ANKRD46: variants seen among roughly 807,000 people sequenced by gnomAD.
The protein encoded by ANKRD46 is ankyrin repeat domain 46.
Under a neutral mutation model 19.8 loss-of-function variants are expected in ANKRD46, and 13 were observed. The observed-to-expected ratio is 0.66, with a 90% confidence interval of 0.43 to 1.04. The LOEUF is 1.04. Among genes scored for constraint, ANKRD46 ranks in the 50% least tolerant of loss-of-function variants. ANKRD46 has a pLI of 0.00. For synonymous variants in ANKRD46, 91 were observed against 106.9 expected, an observed-to-expected ratio of 0.85 and a Z score of 0.92; for missense variants, 185 against 274.8, an observed-to-expected ratio of 0.67 and a Z score of 2.31.
chr8:100,536,282 G>A lies in ANKRD46; in HGVS notation c.-130-2971C>T, dbSNP rs753830142. Among the ~76,000 whole-genome samples, 1 of 152,120 alleles carries A rather than the reference G, an allele frequency of 6.6e-6. No homozygotes were observed. The highest frequency in any genetic ancestry group is 2.4e-5 in the African/African-American group (1 of 41,418). The stretch of plus-strand genomic sequence containing the variant: ...CCTGCTTGGAGAGGTGGGAAAAGTA[G>A]CGGGGAGAGATATGTGATAGTCTGA... On this transcript the variant is annotated intron_variant, in intron 1 of 4. Coordinates refer to ENST00000335659, the MANE Select transcript of ANKRD46 (RefSeq NM_001270377.2). The surrounding 1 kb of genome is among the most constrained non-coding windows in gnomAD (Gnocchi z 4.9).
chr8:100,510,671 A>T lies in ANKRD46; in HGVS notation c.637-32T>A. ...ATGTGGGGAAGACAGATTAAAAAAAAAAAAAAATCCCAGTTCTGTTAAGCT... is the reference window on the plus strand; with the variant it reads ...ATGTGGGGAAGACAGATTAAAAAAATAAAAAAATCCCAGTTCTGTTAAGCT... On this transcript the variant is annotated intron_variant, in intron 5 of 5. Coordinates refer to the ANKRD46 transcript ENST00000520552. The surrounding 1 kb of genome is among the most constrained non-coding windows in gnomAD (Gnocchi z 4.9). The T allele has an allele frequency of 6.6e-7, 1 of 1,517,798 alleles. No homozygotes were observed. Among genetic ancestry groups the T allele is most frequent in the South Asian group, 1.2e-5 (1 of 82,548 alleles). 94.0% of individuals were successfully genotyped at this position (1,517,798 alleles called of 1,614,324 possible).
chr8:100,552,344 T>C (rs896862305), intron 1 of ANKRD46, among the ~76,000 whole-genome samples: 2 of 151,918 alleles, frequency 1.3e-5, no homozygotes, highest in Middle Eastern at 3.4e-3. Context: ...TCTATAGAGA[T>C]GGTTATCCTA....
chr8:100,515,282 T>G (rs1811611642), intron 5 of ANKRD46, among the ~76,000 whole-genome samples: 1 of 152,184 alleles, frequency 6.6e-6, no homozygotes, highest in Non-Finnish European at 1.5e-5. Context: ...CAAAATGTGG[T>G]AACATCATGC....
In ANKRD46 at chr8:100,520,817, G is replaced by A. The variant is rs974310295; in HGVS notation, c.*1738C>T. The stretch of plus-strand genomic sequence containing the variant: ...TTTATTGGTGGTATTCCTGAATGAT[G>A]AATGCAGAGAACAGAATACAAAGAA... On this transcript the variant is annotated 3_prime_UTR_variant, in exon 5 of 5. Coordinates refer to ENST00000335659, the MANE Select transcript of ANKRD46 (RefSeq NM_001270377.2). 33 of 981,180 alleles carry A rather than the reference G, an allele frequency of 3.4e-5. No individual in the cohort carries two copies. The highest frequency in any genetic ancestry group is 3.9e-5 in the Non-Finnish European group (32 of 828,230). The allele number at this position is 981,180 out of a possible 1,614,324, so 60.8% of individuals were successfully genotyped here.
chr8:100,550,136 T>G lies in ANKRD46; in HGVS notation c.-131+9575A>C, dbSNP rs895561527. Reference sequence around the variant, plus strand: ...AATAAGGCTGACATGAACACCCACATGCAGGTTTTTGTGTGGACAGTTTTT... The same window carrying G: ...AATAAGGCTGACATGAACACCCACAGGCAGGTTTTTGTGTGGACAGTTTTT... On this transcript the variant is annotated intron_variant, in intron 1 of 4. Transcript: ENST00000335659. The surrounding 1 kb of genome is among the most constrained non-coding windows in gnomAD (Gnocchi z 4.4). Among the ~76,000 whole-genome samples, 13 of 152,252 alleles carry G rather than the reference T, an allele frequency of 8.5e-5. No homozygotes were observed. Among genetic ancestry groups the G allele is most frequent in the African/African-American group, 3.1e-4 (13 of 41,460 alleles).
chr8:100,513,351 A>G (rs1007313467), intron 5 of ANKRD46, among the ~76,000 whole-genome samples: 4 of 152,210 alleles, frequency 2.6e-5, no homozygotes, highest in Non-Finnish European at 4.4e-5. Flanking sequence ...CTTAAGCCTC[A>G]CTTTCTTTAT....
rs1440127383 is a variant in ANKRD46 at position 100,521,912 on chromosome 8, C to A, written c.*643G>T. On this transcript the variant is annotated 3_prime_UTR_variant, in exon 5 of 5. Transcript: ENST00000335659. ...CAAGCAAAGCAGTTTACAAAAAGAT[C>A]AAAAATTATCCTAAAAACAAATAAA... 16 of 983,518 alleles carry A rather than the reference C, an allele frequency of 1.6e-5. No homozygotes were observed. Among genetic ancestry groups the A allele is most frequent in the Middle Eastern group, 5.2e-4 (1 of 1,914 alleles). The allele number at this position is 983,518 out of a possible 1,614,324, so 60.9% of individuals were successfully genotyped here.
rs1204788693 is a variant in ANKRD46, at chr8:100,536,851, C to G, written c.-130-3540G>C. On this transcript the variant is annotated intron_variant, in intron 1 of 4. Transcript: ENST00000335659. This position sits in a 1 kb window ranked among gnomAD's most constrained non-coding sequence, Gnocchi z 4.9. ...ACTTTGGGGGTCAGGTTTTTGAGGG[C>G]TGGTGTAGCCTGACACTTAAAACTC... Among the ~76,000 whole-genome samples, 1 of 152,162 alleles carries G rather than the reference C, an allele frequency of 6.6e-6. No individual in the cohort carries two copies. The highest frequency in any genetic ancestry group is 1.9e-4 in the East Asian group (1 of 5,192).
intron 1 of ANKRD46, among the ~76,000 whole-genome samples, chr8:100,548,056 C>T (rs1812308947): frequency 6.6e-6 from 1 of 152,048 alleles, no homozygotes; most frequent in Admixed American, 6.6e-5. Flanking sequence ...TGGCCTTCTA[C>T]CTTAGCTAAT....
At chr8:100,523,126 G>A (rs1366230038) in intron 4 of ANKRD46, among the ~76,000 whole-genome samples, 5 of 150,882 alleles carry the variant, frequency 3.3e-5, no homozygotes, top group Admixed American at 6.6e-5. Flanking sequence ...CCAGGAGTTC[G>A]GGACCAGCCT....
chr8:100,513,289 T>C (rs956057494), intron 5 of ANKRD46, among the ~76,000 whole-genome samples: 14 of 152,114 alleles, frequency 9.2e-5, no homozygotes, highest in Non-Finnish European at 2.1e-4. Flanking sequence ...TTAGGCAGAA[T>C]CTGGTTTCAA....
chr8:100,539,158 T>A (rs1812124402), intron 1 of ANKRD46, among the ~76,000 whole-genome samples: 1 of 152,222 alleles, frequency 6.6e-6, no homozygotes, highest in African/African-American at 2.4e-5. Context: ...TTATGGTTCA[T>A]CCTAAACTAG....
chr8:100,517,680 C>A (rs2130632611), downstream of ANKRD46, among the ~76,000 whole-genome samples: 1 of 152,304 alleles, frequency 6.6e-6, no homozygotes, highest in East Asian at 1.9e-4. Context: ...CAAGATCCCC[C>A]CTTAGAAAAT....
chr8:100,542,389 T>C (rs1812191111), intron 1 of ANKRD46, among the ~76,000 whole-genome samples: 1 of 152,174 alleles, frequency 6.6e-6, no homozygotes, highest in South Asian at 2.1e-4. Context: ...TAAAATGGCA[T>C]GTTTGTAGAA....
At position 100,557,505 on chromosome 8, in the gene ANKRD46, C is replaced by A. The variant is rs1812525515; in HGVS notation, c.-131+2206G>T. ...TCCATCCTTGCCCTTACAGTCAACACTGAACACAGCAGCCAGAGTGATCCT... is the reference window on the plus strand; with the variant it reads ...TCCATCCTTGCCCTTACAGTCAACAATGAACACAGCAGCCAGAGTGATCCT... On this transcript the variant is annotated intron_variant, in intron 1 of 4. Coordinates refer to ENST00000335659, the MANE Select transcript of ANKRD46 (RefSeq NM_001270377.2). This position sits in a 1 kb window ranked among gnomAD's most constrained non-coding sequence, Gnocchi z 5.9. Among the ~76,000 whole-genome samples the A allele has an allele frequency of 2.2e-5, 3 of 137,600 alleles. No individual in the cohort carries two copies. Among genetic ancestry groups the A allele is most frequent in the Middle Eastern group, 3.4e-3 (1 of 290 alleles). The allele number at this position is 137,600 out of a possible 152,430, so 90.3% of individuals were successfully genotyped here. A position where few individuals can be genotyped will look rare whatever the true frequency, so the allele number is the denominator to read the frequency against.
In ANKRD46 at chr8:100,546,498, C is replaced by T. The variant is rs1812275284; in HGVS notation, c.-130-13187G>A. The stretch of plus-strand genomic sequence containing the variant: ...AAGACAGGAGTTGAGCTTTGGGAAC[C>T]TCTGCCTAGATTTCAAAGGACATAT... On this transcript the variant is annotated intron_variant, in intron 1 of 4. Transcript: ENST00000335659. This position sits in a 1 kb window ranked among gnomAD's most constrained non-coding sequence, Gnocchi z 4.0. Among the ~76,000 whole-genome samples, 1 of 152,260 alleles carries T rather than the reference C, an allele frequency of 6.6e-6. No homozygotes were observed. The highest frequency in any genetic ancestry group is 6.5e-5 in the Admixed American group (1 of 15,290).
rs1812083029 is a variant in ANKRD46, at chr8:100,537,257, T to C, written c.-130-3946A>G. ...ATGGATTTTTCATTTTGAAAGGCCATTTGGAAAGGGAAGACTAAGTACCAC... is the reference window on the plus strand; with the variant it reads ...ATGGATTTTTCATTTTGAAAGGCCACTTGGAAAGGGAAGACTAAGTACCAC... On this transcript the variant is annotated intron_variant, in intron 1 of 4. Coordinates refer to ENST00000335659, the MANE Select transcript of ANKRD46 (RefSeq NM_001270377.2). This position sits in a 1 kb window ranked among gnomAD's most constrained non-coding sequence, Gnocchi z 4.2. Among the ~76,000 whole-genome samples, 1 of 152,150 alleles carries C rather than the reference T, an allele frequency of 6.6e-6. No homozygotes were observed. The highest frequency in any genetic ancestry group is 1.5e-5 in the Non-Finnish European group (1 of 68,018).
chr8:100,510,605 T>G lies in ANKRD46; in HGVS notation c.671A>C (p.Gln224Pro), dbSNP rs1466456298. ...GATGGCCTGGATTCGGCTTCTGTCT[T>G]GCCTTGCAAAGCTTCCAAGCCTCAG... The change falls in exon 6 of 6, where the codon CAA (glutamine) becomes CCA (proline). Residue 224 changes from glutamine (Q) to proline (P), a missense_variant. Physicochemically the swap from Gln to Pro is moderately conservative, Grantham distance 76. Transcript: ENST00000520552. This position sits in a 1 kb window ranked among gnomAD's most constrained non-coding sequence, Gnocchi z 4.9. 1 of 1,535,812 alleles carries G rather than the reference T, an allele frequency of 6.5e-7. No individual in the cohort carries two copies. Among genetic ancestry groups the G allele is most frequent in the Non-Finnish European group, 8.7e-7 (1 of 1,146,742 alleles).
In ANKRD46 at chr8:100,524,120, G is replaced by A. The variant is rs887814991; in HGVS notation, c.471-1349C>T. On this transcript the variant is annotated intron_variant, in intron 4 of 4. Coordinates refer to ENST00000335659, the MANE Select transcript of ANKRD46 (RefSeq NM_001270377.2). The surrounding 1 kb of genome is among the most constrained non-coding windows in gnomAD (Gnocchi z 4.3). ...TCAGAACTTTATCAATGAGAAATAC[G>A]ACTACCACAAAGAGAAACTGCATCT... 3.3e-5 allele frequency among the ~76,000 whole-genome samples: 5 copies of A among 152,068 alleles called. No homozygotes were observed. The highest frequency in any genetic ancestry group is 1.2e-4 in the African/African-American group (5 of 41,408).
Sources: allele counts gnomAD v4.1 joint callset (sites outside exome capture counted in the v4.1 genomes callset), GRCh38; gene constraint gnomAD v4.1.1; non-coding constraint Gnocchi (gnomAD v3.1); transcripts MANE v1.5; gene names NCBI Gene and HGNC (gene_info 2026-07-23, HGNC 2026-07-21).